Variants in HERC2 observed in about 807,000 individuals in gnomAD.
HERC2 encodes the protein E3 ubiquitin-protein ligase HERC2.
In HERC2, 102 loss-of-function variants were observed where a neutral mutation model predicts 537.7. That is an observed-to-expected ratio of 0.19 (90% CI 0.16 to 0.22). HERC2 has a LOEUF of 0.22. Ranked by LOEUF, HERC2 falls within the 10% of genes least tolerant of loss-of-function variation. The pLI, the probability that HERC2 is intolerant of heterozygous loss-of-function variation, is 1.00. For missense variants in HERC2, 4,236 were observed against 6,198.2 expected, an observed-to-expected ratio of 0.68 and a Z score of 10.63; for synonymous variants, 2,224 against 2,466.2, an observed-to-expected ratio of 0.90 and a Z score of 2.91.
At position 28,266,126 on chromosome 15, in the gene HERC2, AT is replaced by A. The variant is rs1354535641; in HGVS notation, c.1599-153del. 5 of 791,786 alleles carry A rather than the reference AT, an allele frequency of 6.3e-6. No individual in the cohort carries two copies. The African/African-American group carries it at 8.7e-5, about 14-fold the overall frequency. The allele number at this position is 791,786 out of a possible 1,614,324, so 49.0% of individuals were successfully genotyped here. Reference sequence around the variant, plus strand: ...TACCTTGTGAAAGAAGGAAGAGAGAATTCCAACACCTAACACCTCCATGACT... The same window carrying A: ...TACCTTGTGAAAGAAGGAAGAGAGAATCCAACACCTAACACCTCCATGACT... On this transcript the variant is annotated intron_variant, in intron 12 of 92. Coordinates refer to ENST00000261609, the MANE Select transcript of HERC2 (RefSeq NM_004667.6).
In HERC2 at chr15:28,124,093, G is replaced by C. The variant is rs745887590; in HGVS notation, c.13132C>G (p.Leu4378Val). ...GTGTCGAACCCAACAGAAGGCCCGA[G>C]TCCAGTTTCGTCGAGCGAGCCTTCC... is the stretch of plus-strand genomic sequence containing the variant. ...DLEGSLDETG[L>V]GPSVGFDTLR... The change falls in exon 85 of 93, where the codon CTC becomes GTC. Residue 4378 changes from leucine to valine, a missense_variant. Leu to Val is a conservative substitution (Grantham distance 32). This residue lies in a region of HERC2 where 189 missense variants were observed against 255.7 expected (regional missense o/e 0.74). Transcript: ENST00000261609. The C allele has an allele frequency of 1.4e-5, 22 of 1,608,616 alleles. No homozygotes were observed. Among genetic ancestry groups the C allele is most frequent in the Non-Finnish European group, 1.9e-5 (22 of 1,177,480 alleles).
intron 69 of HERC2, among the ~76,000 whole-genome samples, chr15:28,153,115 A>C (rs1362503371): frequency 2.6e-5 from 4 of 152,244 alleles, no homozygotes; most frequent in African/African-American, 9.6e-5. Context: ...GCACTTTGGA[A>C]GGCCGAGGCA....
intron 23 of HERC2, 82 bp downstream of exon 23, chr15:28,245,799 A>G: frequency 8.3e-7 from 1 of 1,208,600 alleles, no homozygotes; most frequent in East Asian, 2.3e-5. Context: ...TTTGTAAAGT[A>G]TTCTTTCAAA....
chr15:28,175,615 A>C lies in HERC2; in HGVS notation c.9728T>G (p.Val3243Gly). The change falls in exon 64 of 93, where the codon GTG (valine) becomes GGG (glycine). Residue 3243 changes from valine to glycine, a missense_variant. Coordinates refer to ENST00000261609, the MANE Select transcript of HERC2 (RefSeq NM_004667.6). ...DYFRLGHGSD[V>G]HVRKPQVVEG... ...CACCACCTGTGGTTTCCGCACGTGC[A>C]CGTCAGAGCCGTGGCCCAATCTGAA... is the stretch of plus-strand genomic sequence containing the variant. The C allele has an allele frequency of 1.2e-6, 2 of 1,614,148 alleles. No individual in the cohort carries two copies. The highest frequency in any genetic ancestry group is 1.7e-6 in the Non-Finnish European group (2 of 1,180,028).
At position 28,292,863 on chromosome 15, in the gene HERC2, A is replaced by G. The variant is rs374899950; in HGVS notation, c.322+25T>C. 92 of 1,604,996 alleles carry G rather than the reference A, an allele frequency of 5.7e-5. 1 individual carries two copies. In the Middle Eastern group the frequency reaches 1.8e-3, roughly 32 times the overall value. On this transcript the variant is annotated intron_variant, in intron 4 of 92. Transcript: ENST00000261609. ...AAGGGAGCGTCAGATCAACCTTTCC[A>G]AAGTGCCAAAATTCACAAGATTACC...
chr15:28,196,118 T>C (rs2525938), intron 52 of HERC2, 97 bp downstream of exon 52: 770 of 1,219,874 alleles, frequency 6.3e-4, no homozygotes, highest in Admixed American at 1.7e-3. Context: ...ACTGTATACA[T>C]AGGAACCTTA....
intron 7 of HERC2, 161 bp from the exon 8 acceptor site, chr15:28,273,165 G>A (rs2075784956): frequency 1.6e-6 from 1 of 642,160 alleles, no homozygotes; most frequent in South Asian, 1.8e-5. Flanking sequence ...TTTATTCAGA[G>A]ATTATAAGTG....
At chr15:28,230,051 C>T (rs1901665069) in intron 31 of HERC2, among the ~76,000 whole-genome samples, 1 of 152,134 alleles carries the variant, frequency 6.6e-6, no homozygotes, top group Non-Finnish European at 1.5e-5. Context: ...AACAGGCTAG[C>T]TTGGCATACA....
chr15:28,178,530 A>G (rs1895513795), intron 59 of HERC2, among the ~76,000 whole-genome samples: 1 of 152,056 alleles, frequency 6.6e-6, no homozygotes, highest in Admixed American at 6.5e-5. Flanking sequence ...TGTCTAATTC[A>G]GTTCCATTCC....
At chr15:28,297,706 A>G (rs940874352) in intron 3 of HERC2, among the ~76,000 whole-genome samples, 5 of 152,300 alleles carry the variant, frequency 3.3e-5, no homozygotes, top group Admixed American at 3.3e-4. Context: ...GCCTCTGGGA[A>G]GAAGGGGCAG....
At chr15:28,191,920 C>A in intron 53 of HERC2, 41 bp downstream of exon 53, 1 of 1,558,056 alleles carries the variant, frequency 6.4e-7, no homozygotes, top group African/African-American at 1.4e-5. Flanking sequence ...GCAAAACCAT[C>A]GGTGTGAAAG....
intron 3 of HERC2, among the ~76,000 whole-genome samples, chr15:28,295,539 CA>C (rs2076445568): frequency 6.6e-6 from 1 of 152,150 alleles, no homozygotes; most frequent in Non-Finnish European, 1.5e-5. Flanking sequence ...GCTGGGATTA[CA>C]GGCGTGCATC....
chr15:28,245,638 C>CAT (rs112634055), intron 23 of HERC2, among the ~76,000 whole-genome samples: 238 of 150,550 alleles, frequency 1.6e-3, no homozygotes, highest in African/African-American at 5.7e-3. Context: ...TATGTACACA[C>CAT]ATATATATAC....
intron 74 of HERC2, among the ~76,000 whole-genome samples, chr15:28,143,510 G>C (rs939882861): frequency 6.6e-6 from 1 of 151,894 alleles, no homozygotes; most frequent in Non-Finnish European, 1.5e-5. Context: ...GTAGTGGCGG[G>C]ATCTCAGCTC....
At chr15:28,166,123 C>G (rs542828702) in intron 68 of HERC2, among the ~76,000 whole-genome samples, 1 of 152,304 alleles carries the variant, frequency 6.6e-6, no homozygotes, top group South Asian at 2.1e-4. Context: ...GAATGCTTCA[C>G]CAACTCTTCT....
chr15:28,265,920 C>T lies in HERC2; in HGVS notation c.1653G>A (p.Lys551=), dbSNP rs748597437. ...ISAFSGKQAG[K]HVVHIACGST... Reference sequence around the variant, plus strand: ...TCCCGCAAGCGATGTGCACCACGTGCTTCCCGGCCTGCTTTCCAGAGAAGG... The same window carrying T: ...TCCCGCAAGCGATGTGCACCACGTGTTTCCCGGCCTGCTTTCCAGAGAAGG... The change falls in exon 13 of 93, where the codon AAG becomes AAA. Residue 551 remains lysine (K), a synonymous_variant. Transcript: ENST00000261609. The surrounding 1 kb of genome is among the most constrained non-coding windows in gnomAD (Gnocchi z 4.0). 6.2e-7 allele frequency: 1 copy of T among 1,614,214 alleles called. No homozygotes were observed. The highest frequency in any genetic ancestry group is 1.7e-5 in the Admixed American group (1 of 60,026).
In HERC2 at chr15:28,229,804, T is replaced by C. The variant is rs1901640176; in HGVS notation, c.4853A>G (p.Lys1618Arg). The C allele has an allele frequency of 2.1e-6, 3 of 1,438,290 alleles. No homozygotes were observed. Among genetic ancestry groups the C allele is most frequent in the Non-Finnish European group, 9.8e-7 (1 of 1,021,750 alleles). The allele number at this position is 1,438,290 out of a possible 1,614,324, so 89.1% of individuals were successfully genotyped here. ...CACATTCTGCTTCAACCACTTGTAT[T>C]TGTGAACACCTGTAACAGTACTCAA... is the stretch of plus-strand genomic sequence containing the variant. ...PLLSTVTGVH[K>R]YKWLKQNVQG... Residue 1618 changes from lysine (K) to arginine (R), a missense_variant, in exon 32 of 93, where the codon AAA (lysine) becomes AGA (arginine). By Grantham distance (26) the Lys-to-Arg change is conservative. Transcript: ENST00000261609.
At chr15:28,189,867 T>C (rs1301493981) in intron 55 of HERC2, among the ~76,000 whole-genome samples, 1 of 152,276 alleles carries the variant, frequency 6.6e-6, no homozygotes, top group East Asian at 1.9e-4. Context: ...CTACATTTAA[T>C]AATTAAAAAA....
chr15:28,176,800 C>T lies in HERC2; in HGVS notation c.9433-32G>A, dbSNP rs754008669. The T allele has an allele frequency of 4.4e-6, 7 of 1,602,520 alleles. No homozygotes were observed. The highest frequency in any genetic ancestry group is 1.7e-5 in the Admixed American group (1 of 60,000). ...AATTACAAATTTAAAAACAGAATCA[C>T]GCACAGGCACGGAGAAAGCAATGGA... On this transcript the variant is annotated intron_variant, in intron 61 of 92. Coordinates refer to ENST00000261609, the MANE Select transcript of HERC2 (RefSeq NM_004667.6). This position sits in a 1 kb window ranked among gnomAD's most constrained non-coding sequence, Gnocchi z 5.0.
Sources: gnomAD v4.1 joint callset for allele counts (sites outside exome capture counted in the v4.1 genomes callset) on GRCh38, gnomAD v4.1.1 for gene constraint, gnomAD v4.1.1 regional missense constraint, Gnocchi (gnomAD v3.1) non-coding constraint, MANE v1.5 for transcripts, NCBI Gene and HGNC (gene_info 2026-07-23, HGNC 2026-07-21) for gene names.